Variants in ZC3H14 observed in about 807,000 individuals in gnomAD.
ZC3H14 encodes zinc finger CCCH-type containing 14, also known as zinc finger CCCH domain-containing protein 14.
ZC3H14 carries 31 observed loss-of-function variants against 92.4 expected under a neutral mutation model. That is an observed-to-expected ratio of 0.34 (90% CI 0.25 to 0.45). The LOEUF is 0.45. Among genes scored for constraint, ZC3H14 ranks in the 20% least tolerant of loss-of-function variants. The pLI, the probability that ZC3H14 is intolerant of heterozygous loss-of-function variation, is 1.00. For missense variants in ZC3H14, 781 were observed against 897.3 expected, an observed-to-expected ratio of 0.87 and a Z score of 1.66; for synonymous variants, 321 against 300.9, an observed-to-expected ratio of 1.07 and a Z score of -0.69.
chr14:88,625,170 T>G lies in ZC3H14; in HGVS notation c.*13419T>G, dbSNP rs769890469. Reference sequence around the variant, plus strand: ...AGGGGGAGACAAACTCATCAAAAGTTCAAATAGAGTTTAAATAGATAATTT... The same window carrying G: ...AGGGGGAGACAAACTCATCAAAAGTGCAAATAGAGTTTAAATAGATAATTT... On this transcript the variant is annotated 3_prime_UTR_variant, in exon 17 of 17. Coordinates refer to ENST00000251038, the MANE Select transcript of ZC3H14 (RefSeq NM_024824.5). 3.4e-5 allele frequency: 54 copies of G among 1,603,314 alleles called. No individual in the cohort carries two copies. The highest frequency in any genetic ancestry group is 5.1e-5 in the Admixed American group (3 of 58,930).
At chr14:88,566,599 A>G (rs1390353655) in intron 2 of ZC3H14, among the ~76,000 whole-genome samples, 1 of 152,212 alleles carries the variant, frequency 6.6e-6, no homozygotes, top group Non-Finnish European at 1.5e-5. Flanking sequence ...TTCTGCCTGC[A>G]TAGAAATATT....
rs561298560 is a variant in ZC3H14 at position 88,582,073 on chromosome 14, C to T, written c.1279+3933C>T. 2.6e-5 allele frequency among the ~76,000 whole-genome samples: 4 copies of T among 152,268 alleles called. No individual in the cohort carries two copies. The East Asian group carries it at 7.7e-4, about 29-fold the overall frequency. On this transcript the variant is annotated intron_variant, in intron 9 of 16. Transcript: ENST00000251038. ...CCTTAGTTGAATAGTTGCAACAGACCATATAGCTTGCATAGCCTAAAATAG... is the reference window on the plus strand; with the variant it reads ...CCTTAGTTGAATAGTTGCAACAGACTATATAGCTTGCATAGCCTAAAATAG...
intron 3 of ZC3H14, among the ~76,000 whole-genome samples, chr14:88,569,631 A>G (rs1205157707): frequency 3.3e-5 from 5 of 152,158 alleles, no homozygotes; most frequent in Admixed American, 1.3e-4. Context: ...AGTTACCGTG[A>G]AAGGTGATGA....
At chr14:88,586,741 T>A (rs2082517541) in intron 9 of ZC3H14, 1 of 152,188 alleles carries the variant, frequency 6.6e-6, no homozygotes, top group Non-Finnish European at 1.5e-5. Flanking sequence ...AAATACATGC[T>A]CACCATAGAA....
chr14:88,605,197 T>G (rs969203620), intron 12 of ZC3H14, among the ~76,000 whole-genome samples: 5 of 152,210 alleles, frequency 3.3e-5, no homozygotes. Flanking sequence ...CTGTGTGTAA[T>G]TTATTATAGG....
chr14:88,596,988 T>C (rs1315191805), intron 10 of ZC3H14, among the ~76,000 whole-genome samples, 180 bp downstream of exon 10: 1 of 152,188 alleles, frequency 6.6e-6, no homozygotes, highest in African/African-American at 2.4e-5. Flanking sequence ...TTATATAGTG[T>C]TATAATTTTT....
chr14:88,571,926 TGCCCTCCA>T (rs1178641459), intron 4 of ZC3H14, 96 bp from the exon 5 acceptor site: 2 of 938,328 alleles, frequency 2.1e-6, no homozygotes, highest in Non-Finnish European at 3.0e-6. Flanking sequence ...AACGCGCCAC[TGCCCTCCA>T]GCCTGGCGAC....
intron 11 of ZC3H14, among the ~76,000 whole-genome samples, chr14:88,602,580 C>T (rs1566968165): frequency 6.6e-6 from 1 of 152,122 alleles, no homozygotes. Context: ...TGGGGTCAGG[C>T]TTGAGGGGAG....
chr14:88,617,780 G>T lies in ZC3H14; in HGVS notation c.*6029G>T, dbSNP rs2087969237. On this transcript the variant is annotated 3_prime_UTR_variant, in exon 17 of 17. Transcript: ENST00000251038. The stretch of plus-strand genomic sequence containing the variant: ...ATATGCCTGGCTGATACAGGAATTT[G>T]ATGGCATTTTTCATTGGCCAAAAAA... 1 of 153,680 alleles carries T rather than the reference G, an allele frequency of 6.5e-6. No individual in the cohort carries two copies. The highest frequency in any genetic ancestry group is 2.0e-4 in the South Asian group (1 of 4,950). The allele number at this position is 153,680 out of a possible 1,614,324, so 9.5% of individuals were successfully genotyped here. A position where few individuals can be genotyped will look rare whatever the true frequency, so the allele number is the denominator to read the frequency against.
At chr14:88,566,401 A>G (rs1030961283) in intron 2 of ZC3H14, among the ~76,000 whole-genome samples, 4 of 152,040 alleles carry the variant, frequency 2.6e-5, no homozygotes, top group African/African-American at 7.2e-5. Context: ...AGTACTTACC[A>G]CCATTTGCTG....
intron 10 of ZC3H14, among the ~76,000 whole-genome samples, chr14:88,598,442 T>C (rs563218293): frequency 3.9e-5 from 6 of 152,168 alleles, no homozygotes; most frequent in Non-Finnish European, 8.8e-5. Context: ...CATTAATTAT[T>C]ATGTAATGTT....
chr14:88,598,392 G>A (rs965645535), intron 10 of ZC3H14, among the ~76,000 whole-genome samples: 5 of 152,220 alleles, frequency 3.3e-5, no homozygotes, highest in East Asian at 3.9e-4. Flanking sequence ...AGAGTTCTGC[G>A]AGCTTAAGTG....
At position 88,625,264 on chromosome 14, in the gene ZC3H14, G is replaced by T; in HGVS notation, c.*13513G>T. 1.0e-6 allele frequency: 1 copy of T among 988,884 alleles called. No homozygotes were observed. Among genetic ancestry groups the T allele is most frequent in the Non-Finnish European group, 1.4e-6 (1 of 697,518 alleles). 61.3% of individuals were successfully genotyped at this position (988,884 alleles called of 1,614,324 possible). Reference sequence around the variant, plus strand: ...TGCATCGTGTAGTGGCAGCAGCACTGAATTCACGAGTCAGGAAACCTGAAC... The same window carrying T: ...TGCATCGTGTAGTGGCAGCAGCACTTAATTCACGAGTCAGGAAACCTGAAC... On this transcript the variant is annotated 3_prime_UTR_variant, in exon 17 of 17. Transcript: ENST00000251038.
In ZC3H14 at chr14:88,622,265, T is replaced by G. The variant is rs1343008672; in HGVS notation, c.*10514T>G. On this transcript the variant is annotated 3_prime_UTR_variant, in exon 17 of 17. Coordinates refer to ENST00000251038, the MANE Select transcript of ZC3H14 (RefSeq NM_024824.5). ...TTGTTTGTTTACTGCACGTTTTATC[T>G]AGGGAATGTGTGTTTTTTTAAAAAA... 3 of 198,664 alleles carry G rather than the reference T, an allele frequency of 1.5e-5. No homozygotes were observed. The East Asian group carries it at 3.5e-4, about 23-fold the overall frequency. 12.3% of individuals were successfully genotyped at this position (198,664 alleles called of 1,614,324 possible).
intron 8 of ZC3H14, among the ~76,000 whole-genome samples, 167 bp downstream of exon 8, chr14:88,576,107 T>G (rs1019221687): frequency 6.6e-6 from 1 of 152,244 alleles, no homozygotes; most frequent in African/African-American, 2.4e-5. Flanking sequence ...TTGACAAGTT[T>G]GAGAAACTTC....
chr14:88,571,160 G>C (rs775361361), intron 4 of ZC3H14, 36 bp downstream of exon 4: 4 of 1,514,836 alleles, frequency 2.6e-6, no homozygotes, highest in Non-Finnish European at 3.6e-6. Flanking sequence ...ATTTCTGCTT[G>C]CTATGGCATA....
In ZC3H14 at chr14:88,620,633, A is replaced by G; in HGVS notation, c.*8882A>G. The G allele has an allele frequency of 1.3e-6, 1 of 779,514 alleles. No individual in the cohort carries two copies. The highest frequency in any genetic ancestry group is 4.0e-4 in the Middle Eastern group (1 of 2,502). 48.3% of individuals were successfully genotyped at this position (779,514 alleles called of 1,614,324 possible). A position where few individuals can be genotyped will look rare whatever the true frequency, so the allele number is the denominator to read the frequency against. Reference sequence around the variant, plus strand: ...ACAGCCATATTTTAGCATACAATTTATAATACGGGAAATGCTACAGGCCCT... The same window carrying G: ...ACAGCCATATTTTAGCATACAATTTGTAATACGGGAAATGCTACAGGCCCT... On this transcript the variant is annotated 3_prime_UTR_variant, in exon 17 of 17. Transcript: ENST00000251038. The surrounding 1 kb of genome is among the most constrained non-coding windows in gnomAD (Gnocchi z 4.3).
chr14:88,568,179 A>G, intron 3 of ZC3H14, 26 bp downstream of exon 3: 2 of 1,598,678 alleles, frequency 1.3e-6, no homozygotes, highest in Non-Finnish European at 1.7e-6. Flanking sequence ...TTTGTGCCTC[A>G]GACCAAAGTT....
intron 10 of ZC3H14, 59 bp from the exon 11 acceptor site, chr14:88,601,865 T>C (rs1195191892): frequency 7.0e-6 from 11 of 1,573,394 alleles, no homozygotes; most frequent in Non-Finnish European, 9.6e-6. Context: ...ACATATATAA[T>C]GTTGGGAATG....
Sources: allele counts gnomAD v4.1 joint callset (sites outside exome capture counted in the v4.1 genomes callset), GRCh38; gene constraint gnomAD v4.1.1; non-coding constraint Gnocchi (gnomAD v3.1); transcripts MANE v1.5; gene names NCBI Gene and HGNC (gene_info 2026-07-23, HGNC 2026-07-21).